Variants in LOC400499 observed in about 807,000 individuals in gnomAD.
At chr16:11,491,508 G>A in the LOC400499 span, among the ~76,000 whole-genome samples, 1 of 152,196 alleles carries the variant, frequency 6.6e-6, no homozygotes, top group Non-Finnish European at 1.5e-5. Flanking sequence ...GACTGGAATT[G>A]CCATGTGGGG....
At chr16:11,419,751 G>GA in the LOC400499 span, among the ~76,000 whole-genome samples, 1 of 151,776 alleles carries the variant, frequency 6.6e-6, no homozygotes, top group African/African-American at 2.4e-5. Context: ...AAATTTACAA[G>GA]AAAAAAACAA....
the LOC400499 span, chr16:11,502,288 G>C: frequency 2.5e-6 from 1 of 396,766 alleles, no homozygotes; most frequent in South Asian, 1.3e-4. Flanking sequence ...AAGTGGGAAG[G>C]ACCTACCACC....
chr16:11,396,954 C>T, the LOC400499 span, among the ~76,000 whole-genome samples: 1 of 152,122 alleles, frequency 6.6e-6, no homozygotes, highest in Non-Finnish European at 1.5e-5. Flanking sequence ...TGCCTTAGGC[C>T]CCTTCCCTCT....
At chr16:11,412,826 G>A in the LOC400499 span, 2 of 398,708 alleles carry the variant, frequency 5.0e-6, no homozygotes, top group Non-Finnish European at 8.8e-6. Context: ...CTCTCCTCCT[G>A]GGGGCCCCCC....
chr16:11,385,795 G>T, the LOC400499 span, among the ~76,000 whole-genome samples: 1 of 152,208 alleles, frequency 6.6e-6, no homozygotes, highest in Non-Finnish European at 1.5e-5. Flanking sequence ...TTCAGTTTGG[G>T]GTGATGAAAA....
chr16:11,448,195 C>T, the LOC400499 span: 11 of 1,247,788 alleles, frequency 8.8e-6, no homozygotes, highest in South Asian at 6.3e-5. Flanking sequence ...AATGACTATC[C>T]GAGAATGGCT....
At chr16:11,443,677 G>C in the LOC400499 span, among the ~76,000 whole-genome samples, 19 of 152,182 alleles carry the variant, frequency 1.2e-4, no homozygotes, top group East Asian at 1.9e-3. Flanking sequence ...CCACTGCATA[G>C]AGATGAGTAC....
the LOC400499 span, among the ~76,000 whole-genome samples, chr16:11,467,504 C>A: frequency 6.6e-6 from 1 of 151,684 alleles, no homozygotes; most frequent in East Asian, 1.9e-4. Context: ...CCCAGCTACT[C>A]GGGAGGCTGA....
chr16:11,485,254 G>T, the LOC400499 span, among the ~76,000 whole-genome samples: 3 of 152,250 alleles, frequency 2.0e-5, no homozygotes, highest in South Asian at 6.2e-4. Flanking sequence ...CAATCTCTCT[G>T]TATCTACTTG....
the LOC400499 span, among the ~76,000 whole-genome samples, chr16:11,525,061 ATGG>A: frequency 6.6e-6 from 1 of 152,118 alleles, no homozygotes; most frequent in Non-Finnish European, 1.5e-5. Context: ...GAGGTGGGTG[ATGG>A]CTTGAGCTCA....
the LOC400499 span, among the ~76,000 whole-genome samples, chr16:11,521,043 C>T: frequency 6.6e-6 from 1 of 152,160 alleles, no homozygotes; most frequent in Non-Finnish European, 1.5e-5. Context: ...AAAACAACCA[C>T]AAGTGTTTTG....
the LOC400499 span, among the ~76,000 whole-genome samples, chr16:11,499,499 C>T: frequency 6.6e-6 from 1 of 152,062 alleles, no homozygotes; most frequent in South Asian, 2.1e-4. Context: ...CAATCTGGGC[C>T]TGGCTCTGAG....
chr16:11,426,176 C>T, the LOC400499 span, among the ~76,000 whole-genome samples: 1 of 152,212 alleles, frequency 6.6e-6, no homozygotes, highest in Non-Finnish European at 1.5e-5. Flanking sequence ...TGGCTCACGC[C>T]TGTAATCCCA....
chr16:11,472,963 A>G, the LOC400499 span: 1 of 152,056 alleles, frequency 6.6e-6, no homozygotes, highest in Non-Finnish European at 1.5e-5. Flanking sequence ...GCCTGTCTCT[A>G]CTAAAATTAA....
the LOC400499 span, chr16:11,515,889 C>CCCCCCCCCCCCCCCCCCAA: frequency 7.1e-5 from 3 of 42,460 alleles, no homozygotes; most frequent in Admixed American, 4.4e-4. Flanking sequence ...CAGCCCAGCC[C>CCCCCCCCCCCCCCCCCCAA]AGCCTAGCCC....
the LOC400499 span, among the ~76,000 whole-genome samples, chr16:11,492,437 G>A: frequency 3.9e-4 from 60 of 152,100 alleles, no homozygotes; most frequent in Middle Eastern, 3.4e-3. Context: ...ACCTGAAGCT[G>A]GTATCCTAGT....
chr16:11,398,072 G>C, the LOC400499 span, among the ~76,000 whole-genome samples: 1 of 152,098 alleles, frequency 6.6e-6, no homozygotes, highest in African/African-American at 2.4e-5. Flanking sequence ...TCATGTGCCC[G>C]GCACCAAGGC....
chr16:11,484,625 T>C, the LOC400499 span, among the ~76,000 whole-genome samples: 1 of 152,186 alleles, frequency 6.6e-6, no homozygotes, highest in African/African-American at 2.4e-5. Context: ...ATGGGTGTAT[T>C]GAGGTGGTGG....
the LOC400499 span, among the ~76,000 whole-genome samples, chr16:11,466,109 G>A: frequency 6.6e-6 from 1 of 152,190 alleles, no homozygotes; most frequent in South Asian, 2.1e-4. Context: ...AGCAATTTGC[G>A]CTACACAGGA....
Sources: allele counts gnomAD v4.1 joint callset (sites outside exome capture counted in the v4.1 genomes callset), GRCh38; gene constraint gnomAD v4.1.1; transcripts MANE v1.5.